The following AGBL4 variants were observed in gnomAD, a reference collection of about 807,000 sequenced individuals.
The protein encoded by AGBL4 is AGBL carboxypeptidase 4, also known as cytosolic carboxypeptidase 6.
In AGBL4, 58 loss-of-function variants were observed where a neutral mutation model predicts 66.4. That is an observed-to-expected ratio of 0.87 (90% CI 0.71 to 1.09). The LOEUF is 1.09. Ranked by LOEUF, AGBL4 falls within the 50% of genes least tolerant of loss-of-function variation. The probability of loss-of-function intolerance (pLI) is 0.00; values close to 1 mark genes in which losing one functional copy is unlikely to be tolerated. For missense variants in AGBL4, 579 were observed against 631.0 expected, an observed-to-expected ratio of 0.92 and a Z score of 0.88; for synonymous variants, 234 against 222.9, an observed-to-expected ratio of 1.05 and a Z score of -0.44.
At chr1:49,023,406 G>C (rs1386312776) in intron 5 of AGBL4, among the ~76,000 whole-genome samples, 1 of 152,136 alleles carries the variant, frequency 6.6e-6, no homozygotes, top group African/African-American at 2.4e-5. Flanking sequence ...CCAGCTGTGT[G>C]AATTGAGTGA....
intron 3 of AGBL4, among the ~76,000 whole-genome samples, chr1:49,483,079 A>C (rs1557982550): frequency 1.3e-5 from 2 of 152,110 alleles, no homozygotes; most frequent in African/African-American, 4.8e-5. Context: ...GGAAATGAGA[A>C]GAATGTATAT....
intron 4 of AGBL4, among the ~76,000 whole-genome samples, chr1:49,121,473 G>T (rs1237549504): frequency 6.6e-6 from 1 of 152,160 alleles, no homozygotes; most frequent in East Asian, 1.9e-4. Context: ...TCAGCGGCAG[G>T]TCTGTTGGAG....
chr1:49,719,540 C>T (rs969360466), intron 2 of AGBL4, among the ~76,000 whole-genome samples: 2 of 151,938 alleles, frequency 1.3e-5, no homozygotes, highest in South Asian at 2.1e-4. Context: ...ACTAGGAAGA[C>T]GAAAAATAAA....
At chr1:49,738,669 T>A (rs562482950) in intron 2 of AGBL4, among the ~76,000 whole-genome samples, 25 of 152,312 alleles carry the variant, frequency 1.6e-4, no homozygotes, top group African/African-American at 5.8e-4. Flanking sequence ...AGGGGCAGAC[T>A]GACACCTCAC....
At chr1:49,842,735 G>T (rs1646029507) in intron 2 of AGBL4, among the ~76,000 whole-genome samples, 2 of 151,988 alleles carry the variant, frequency 1.3e-5, no homozygotes, top group African/African-American at 2.4e-5. Context: ...TAGGATGGGG[G>T]TGAGGAGACT....
intron 1 of AGBL4, among the ~76,000 whole-genome samples, chr1:49,934,578 T>C (rs1364189567): frequency 6.6e-6 from 1 of 151,936 alleles, no homozygotes; most frequent in Admixed American, 6.6e-5. Context: ...AAAAAGAAAT[T>C]AAAAGGAAAA....
intron 1 of AGBL4, among the ~76,000 whole-genome samples, chr1:50,022,723 T>C (rs1383630933): frequency 6.6e-6 from 1 of 151,828 alleles, no homozygotes; most frequent in Non-Finnish European, 1.5e-5. Flanking sequence ...AGGACATATA[T>C]ACAAGGTTAT....
chr1:49,861,832 G>T (rs142970548), intron 1 of AGBL4, among the ~76,000 whole-genome samples: 1 of 152,264 alleles, frequency 6.6e-6, no homozygotes, highest in Non-Finnish European at 1.5e-5. Context: ...AATGTAACTG[G>T]GCTTGGGGTG....
At chr1:48,768,704 G>C (rs1934395) in intron 6 of AGBL4, among the ~76,000 whole-genome samples, 43,023 of 152,064 alleles carry the variant, frequency 0.28, 6,575 homozygotes, top group East Asian at 0.56. Context: ...GCCTAATTTG[G>C]TATGAGTTTG....
intron 1 of AGBL4, among the ~76,000 whole-genome samples, chr1:49,946,665 C>T (rs1655236116): frequency 6.6e-6 from 1 of 151,678 alleles, no homozygotes; most frequent in Non-Finnish European, 1.5e-5. Context: ...CAAGAACAAA[C>T]CAAACCGAAA....
chr1:49,895,101 C>T (rs1571822564), intron 1 of AGBL4, among the ~76,000 whole-genome samples: 1 of 151,092 alleles, frequency 6.6e-6, no homozygotes, highest in Non-Finnish European at 1.5e-5. Flanking sequence ...GAGACAGTGG[C>T]ATGACATATT....
chr1:48,750,176 T>C (rs1030540334), intron 6 of AGBL4, among the ~76,000 whole-genome samples: 1 of 152,186 alleles, frequency 6.6e-6, no homozygotes. Context: ...TTGATTTGCC[T>C]GACTCAGAGG....
chr1:49,262,100 T>C (rs1457961573), intron 3 of AGBL4, among the ~76,000 whole-genome samples: 1 of 152,110 alleles, frequency 6.6e-6, no homozygotes, highest in Non-Finnish European at 1.5e-5. Context: ...GAAAACTGGC[T>C]AGCCATATGT....
At chr1:49,552,527 C>G (rs899270342) in intron 3 of AGBL4, among the ~76,000 whole-genome samples, 12 of 152,228 alleles carry the variant, frequency 7.9e-5, no homozygotes, top group African/African-American at 2.9e-4. Flanking sequence ...TAAATTGACT[C>G]AGTTCCAGGT....
At chr1:49,583,364 C>T (rs1644583219) in intron 3 of AGBL4, among the ~76,000 whole-genome samples, 1 of 152,194 alleles carries the variant, frequency 6.6e-6, no homozygotes, top group Non-Finnish European at 1.5e-5. Context: ...TCTGGCTTTT[C>T]ATCTGTATCG....
In AGBL4 at chr1:49,271,811, A is replaced by G. The variant is rs1262785682; in HGVS notation, c.283-25947T>C. 2.6e-5 allele frequency among the ~76,000 whole-genome samples: 4 copies of G among 152,076 alleles called. No homozygotes were observed. In the East Asian group the frequency reaches 7.7e-4, roughly 29 times the overall value. Reference sequence around the variant, plus strand: ...GCAGAAAAAGGTACCCCTTCACCCCATTTGTGGGGCCTTCTATTTTCCTTC... The same window carrying G: ...GCAGAAAAAGGTACCCCTTCACCCCGTTTGTGGGGCCTTCTATTTTCCTTC... On this transcript the variant is annotated intron_variant, in intron 3 of 13. Transcript: ENST00000371839.
At chr1:48,636,659 C>A (rs7546067) in intron 8 of AGBL4, among the ~76,000 whole-genome samples, 2,983 of 152,294 alleles carry the variant, frequency 0.02, 100 homozygotes, top group African/African-American at 0.069. Flanking sequence ...CATATTCATG[C>A]AGTTCTTAAA....
chr1:49,658,227 C>T (rs1037934455), intron 3 of AGBL4, among the ~76,000 whole-genome samples: 66 of 152,146 alleles, frequency 4.3e-4, no homozygotes, highest in Non-Finnish European at 9.0e-4. Context: ...CAAAAGAAGA[C>T]ATTTATGCAG....
chr1:49,595,019 C>A (rs1451664770), intron 3 of AGBL4, among the ~76,000 whole-genome samples: 1 of 152,188 alleles, frequency 6.6e-6, no homozygotes, highest in African/African-American at 2.4e-5. Flanking sequence ...TCTCCACATC[C>A]TCACCAGCAA....
Sources: gnomAD v4.1 joint callset for allele counts (sites outside exome capture counted in the v4.1 genomes callset) on GRCh38, gnomAD v4.1.1 for gene constraint, MANE v1.5 for transcripts, NCBI Gene and HGNC (gene_info 2026-07-23, HGNC 2026-07-21) for gene names.